The following NR1D2 variants were observed in gnomAD, a reference collection of about 807,000 sequenced individuals.
NR1D2 encodes the protein V-erbA-related protein 1-related.
In NR1D2, 25 loss-of-function variants were observed where a neutral mutation model predicts 52.2. The ratio of observed to expected loss-of-function variants is 0.48; its 90% CI spans 0.35 to 0.67. NR1D2 has a LOEUF of 0.67. NR1D2 is among the 30% of genes least tolerant of loss of function. The probability of loss-of-function intolerance (pLI) is 0.01; values close to 1 mark genes in which losing one functional copy is unlikely to be tolerated. For missense variants in NR1D2, 681 were observed against 707.2 expected (o/e 0.96, Z 0.42); for synonymous variants, 259 against 230.1 (o/e 1.13, Z -1.14).
Position 23,968,000 on chromosome 3 carries a change from C to T in NR1D2, c.1520C>T (p.Thr507Ile), listed in dbSNP as rs752041335. ...AGTGATGAAGAGATGAGTTTGTTTA[C>T]AGCTGTTGTCCTGGTATCTGCAGGT... ...QLSDEEMSLF[T>I]AVVLVSADRS... The change falls in exon 7 of 8, where the codon ACA (threonine) becomes ATA (isoleucine). Residue 507 changes from threonine (T) to isoleucine (I), a missense_variant. Thr to Ile is a moderately conservative substitution (Grantham distance 89). Transcript: ENST00000312521. 4 of 1,614,130 alleles carry T rather than the reference C, an allele frequency of 2.5e-6. No individual in the cohort carries two copies. Among genetic ancestry groups the T allele is most frequent in the African/African-American group, 1.3e-5 (1 of 75,044 alleles).
intron 1 of NR1D2, among the ~76,000 whole-genome samples, chr3:23,952,490 ATC>A (rs1705961057): frequency 2.6e-5 from 4 of 151,942 alleles, no homozygotes; most frequent in Admixed American, 6.6e-5. Context: ...CGGGCGGATC[ATC>A]TGAGGTCGGA....
Position 23,967,929 on chromosome 3 carries a change from A to G in NR1D2, c.1449A>G (p.Leu483=), listed in dbSNP as rs1706493693. The G allele has an allele frequency of 6.2e-7, 1 of 1,613,944 alleles. No individual in the cohort carries two copies. The highest frequency in any genetic ancestry group is 8.5e-7 in the Non-Finnish European group (1 of 1,179,918). Reference sequence around the variant, plus strand: ...ACTCAATGGGAGCAGGGGATCTGCTAAACTCTATGTTTGAATTTAGTGAGA... The same window carrying G: ...ACTCAATGGGAGCAGGGGATCTGCTGAACTCTATGTTTGAATTTAGTGAGA... ...DLHSMGAGDL[L]NSMFEFSEKL... Residue 483 remains leucine, a synonymous_variant, in exon 7 of 8, where the codon CTA becomes CTG. Transcript: ENST00000312521.
intron 1 of NR1D2, among the ~76,000 whole-genome samples, chr3:23,952,267 G>A (rs1323959652): frequency 6.6e-6 from 1 of 152,204 alleles, no homozygotes; most frequent in African/African-American, 2.4e-5. Flanking sequence ...TGGACAGTGG[G>A]TTTAACTGGG....
chr3:23,967,090 C>A (rs1461358758), intron 6 of NR1D2, among the ~76,000 whole-genome samples: 2 of 152,150 alleles, frequency 1.3e-5, no homozygotes, highest in African/African-American at 4.8e-5. Context: ...CTTTGGGAAG[C>A]CGAGATGGGT....
At chr3:23,963,864 T>C (rs1450542644) in intron 5 of NR1D2, among the ~76,000 whole-genome samples, 2 of 152,116 alleles carry the variant, frequency 1.3e-5, no homozygotes, top group African/African-American at 4.8e-5. Flanking sequence ...TAGTGAAAAT[T>C]TAAAGGCTGA....
intron 1 of NR1D2, among the ~76,000 whole-genome samples, chr3:23,951,262 A>G (rs1314927572): frequency 1.3e-5 from 2 of 152,228 alleles, no homozygotes; most frequent in African/African-American, 4.8e-5. Flanking sequence ...TCTTGTGAAC[A>G]TAAATGACTG....
At chr3:23,964,103 G>T (rs1203290305) in intron 5 of NR1D2, among the ~76,000 whole-genome samples, 1 of 150,480 alleles carries the variant, frequency 6.6e-6, no homozygotes, top group African/African-American at 2.4e-5. Flanking sequence ...TTTCGAGACG[G>T]AGTCTCACTC....
chr3:23,945,513 G>C lies in NR1D2; in HGVS notation c.-66G>C. 9.8e-7 allele frequency: 1 copy of C among 1,021,960 alleles called. No homozygotes were observed. Among genetic ancestry groups the C allele is most frequent in the East Asian group, 5.2e-5 (1 of 19,306 alleles). 63.3% of individuals were successfully genotyped at this position (1,021,960 alleles called of 1,614,324 possible). A position where few individuals can be genotyped will look rare whatever the true frequency, so the allele number is the denominator to read the frequency against. On this transcript the variant is annotated 5_prime_UTR_variant, in exon 1 of 8. Coordinates refer to ENST00000312521, the MANE Select transcript of NR1D2 (RefSeq NM_005126.5). ...CAGCCCGGGGCGGCGCGGCGCTGAG[G>C]CGGCGGCGGCGGCGCTGCCCCCTCT...
chr3:23,962,186 C>G lies in NR1D2; in HGVS notation c.727C>G (p.Pro243Ala), dbSNP rs771877196. The G allele has an allele frequency of 7.4e-6, 12 of 1,614,052 alleles. No individual in the cohort carries two copies. Among genetic ancestry groups the G allele is most frequent in the Non-Finnish European group, 1.0e-5 (12 of 1,179,924 alleles). Reference protein sequence around the residue: ...LEQENIKSSSPPSSDFAKEEV... With the variant: ...LEQENIKSSSAPSSDFAKEEV... ...GCAAGAAAACATCAAAAGCTCTTCT[C>G]CTCCATCTTCTGATTTTGCAAAGGA... The change falls in exon 5 of 8, where the codon CCT becomes GCT. Residue 243 changes from proline to alanine, a missense_variant. Pro to Ala is a conservative substitution (Grantham distance 27). Coordinates refer to ENST00000312521, the MANE Select transcript of NR1D2 (RefSeq NM_005126.5).
chr3:23,967,632 T>G (rs1706484938), intron 6 of NR1D2, among the ~76,000 whole-genome samples, 181 bp from the exon 7 acceptor site: 1 of 151,912 alleles, frequency 6.6e-6, no homozygotes, highest in East Asian at 1.9e-4. Context: ...TAGAATAGAA[T>G]AGAATATAGA....
chr3:23,946,071 G>T, intron 1 of NR1D2: 1 of 981,960 alleles, frequency 1.0e-6, no homozygotes, highest in Non-Finnish European at 1.2e-6. Flanking sequence ...GCAGCCTCCC[G>T]GGAGGCTCCG....
intron 5 of NR1D2, among the ~76,000 whole-genome samples, chr3:23,964,150 C>G (rs1706375210): frequency 1.3e-5 from 2 of 151,402 alleles, no homozygotes; most frequent in Non-Finnish European, 2.9e-5. Flanking sequence ...ATGATCTCGG[C>G]TCACTGCAAC....
intron 1 of NR1D2, among the ~76,000 whole-genome samples, chr3:23,949,640 A>C (rs1174589252): frequency 6.6e-6 from 1 of 152,230 alleles, no homozygotes; most frequent in Non-Finnish European, 1.5e-5. Context: ...CCTGACACCT[A>C]GGACACAATT....
chr3:23,975,613 G>A (rs937608644), intron 7 of NR1D2, among the ~76,000 whole-genome samples: 4 of 152,082 alleles, frequency 2.6e-5, no homozygotes, highest in Admixed American at 2.6e-4. Context: ...ACGAAAATGA[G>A]CCAGGTGTGG....
At chr3:23,969,319 AC>A (rs1026020509) in intron 7 of NR1D2, among the ~76,000 whole-genome samples, 3 of 152,082 alleles carry the variant, frequency 2.0e-5, no homozygotes, top group African/African-American at 4.8e-5. Flanking sequence ...CAAAAAAAAA[AC>A]AAGTTATTTG....
At chr3:23,951,830 C>G (rs1476094098) in intron 1 of NR1D2, among the ~76,000 whole-genome samples, 1 of 152,162 alleles carries the variant, frequency 6.6e-6, no homozygotes, top group Non-Finnish European at 1.5e-5. Context: ...TGAAAAAGCA[C>G]CAGCTAGTTT....
At chr3:23,970,196 T>C (rs185460627) in intron 7 of NR1D2, among the ~76,000 whole-genome samples, 46 of 152,246 alleles carry the variant, frequency 3.0e-4, no homozygotes, top group African/African-American at 1.1e-3. Flanking sequence ...GAGAGTTAGG[T>C]TGAGAAGCTT....
intron 1 of NR1D2, chr3:23,946,171 C>G: frequency 3.0e-6 from 3 of 985,202 alleles, no homozygotes; most frequent in South Asian, 4.7e-5. Context: ...CGCGTGCGCG[C>G]CCGCTGAGCC....
In NR1D2 at chr3:23,972,343, A is replaced by G. The variant is rs1436962582; in HGVS notation, c.1543+4320A>G. ...ATTAGTCTGGCTTCAAAGCCTTTCC[A>G]TTATACTGCTTGTTAACAGAATAGC... On this transcript the variant is annotated intron_variant, in intron 7 of 7. Transcript: ENST00000312521. Among the ~76,000 whole-genome samples, 6 of 152,212 alleles carry G rather than the reference A, an allele frequency of 3.9e-5. No homozygotes were observed. The East Asian group carries it at 9.6e-4, about 24-fold the overall frequency.
Sources: gnomAD v4.1 joint callset for allele counts (sites outside exome capture counted in the v4.1 genomes callset) on GRCh38, gnomAD v4.1.1 for gene constraint, MANE v1.5 for transcripts, NCBI Gene and HGNC (gene_info 2026-07-23, HGNC 2026-07-21) for gene names.